Variants in EIPR1 observed in about 807,000 individuals in gnomAD.
The protein encoded by EIPR1 is EARP complex and GARP complex interacting protein 1.
Under a neutral mutation model 48.1 loss-of-function variants are expected in EIPR1, and 25 were observed. The ratio of observed to expected loss-of-function variants is 0.52; its 90% CI spans 0.38 to 0.73. EIPR1 has a LOEUF of 0.73. Among genes scored for constraint, EIPR1 ranks in the 30% least tolerant of loss-of-function variants. EIPR1 has a pLI of 0.00. For synonymous variants in EIPR1, 204 were observed against 201.9 expected (o/e 1.01, Z -0.09); for missense variants, 415 against 506.2 (o/e 0.82, Z 1.73).
intron 2 of EIPR1, among the ~76,000 whole-genome samples, chr2:3,338,589 C>T (rs1165753302): frequency 1.3e-5 from 2 of 152,182 alleles, no homozygotes; most frequent in Non-Finnish European, 2.9e-5. Flanking sequence ...CTGGGACTGA[C>T]CACGCCTGGC....
chr2:3,278,114 G>A (rs1290454655), intron 3 of EIPR1, among the ~76,000 whole-genome samples: 1 of 152,018 alleles, frequency 6.6e-6, no homozygotes, highest in African/African-American at 2.4e-5. Flanking sequence ...TCCCACCACC[G>A]TCCCCAGGCT....
At chr2:3,259,874 T>C (rs1409170999) in intron 3 of EIPR1, among the ~76,000 whole-genome samples, 1 of 152,208 alleles carries the variant, frequency 6.6e-6, no homozygotes, top group Non-Finnish European at 1.5e-5. Flanking sequence ...TATATCCATA[T>C]GAAAGAAAAT....
At chr2:3,233,634 T>C (rs1353187996) in intron 4 of EIPR1, among the ~76,000 whole-genome samples, 2 of 152,218 alleles carry the variant, frequency 1.3e-5, no homozygotes, top group South Asian at 2.1e-4. Context: ...ACTAGGAAGT[T>C]TGTCCACCCG....
intron 6 of EIPR1, among the ~76,000 whole-genome samples, chr2:3,195,185 T>C (rs1193256278): frequency 6.6e-6 from 1 of 152,230 alleles, no homozygotes; most frequent in African/African-American, 2.4e-5. Flanking sequence ...CCAGTGAGGC[T>C]GGACAGTGGC....
In EIPR1 at chr2:3,200,073, G is replaced by T. The variant is rs1035970036; in HGVS notation, c.517-3056C>A. Reference sequence around the variant, plus strand: ...GGTTAGGGCTGAGGTGGCACCTGGGGCCTCACTAAGAGCTGGGAGAAGAAT... The same window carrying T: ...GGTTAGGGCTGAGGTGGCACCTGGGTCCTCACTAAGAGCTGGGAGAAGAAT... On this transcript the variant is annotated intron_variant, in intron 5 of 8. Coordinates refer to ENST00000382125, the MANE Select transcript of EIPR1 (RefSeq NM_003310.5). Among the ~76,000 whole-genome samples the T allele has an allele frequency of 3.3e-5, 5 of 152,062 alleles. No homozygotes were observed. In the South Asian group the frequency reaches 1.0e-3, roughly 31 times the overall value.
intron 5 of EIPR1, chr2:3,208,785 A>G: frequency 6.5e-7 from 1 of 1,548,742 alleles, no homozygotes; most frequent in South Asian, 1.2e-5. Context: ...TCCTTGAGTG[A>G]GGCTCGTGGC....
intron 3 of EIPR1, chr2:3,274,518 A>G: frequency 7.2e-7 from 1 of 1,384,776 alleles, no homozygotes; most frequent in Non-Finnish European, 9.4e-7. Flanking sequence ...CTTGGGGTAT[A>G]AATAAAATAT....
Position 3,312,565 on chromosome 2 carries a change from A to G in EIPR1, c.259+25452T>C, listed in dbSNP as rs1267309118. On this transcript the variant is annotated intron_variant, in intron 3 of 8. Coordinates refer to ENST00000382125, the MANE Select transcript of EIPR1 (RefSeq NM_003310.5). This position sits in a 1 kb window ranked among gnomAD's most constrained non-coding sequence, Gnocchi z 5.5. ...CACTCAGCACCTGCTCATCATTGTC[A>G]GCATGTTTCTGGTCTCTTAAAATTG... Among the ~76,000 whole-genome samples the G allele has an allele frequency of 6.6e-6, 1 of 152,172 alleles. No homozygotes were observed. Among genetic ancestry groups the G allele is most frequent in the East Asian group, 1.9e-4 (1 of 5,198 alleles).
intron 5 of EIPR1, among the ~76,000 whole-genome samples, chr2:3,203,219 G>C (rs1665110054): frequency 6.6e-6 from 1 of 152,184 alleles, no homozygotes; most frequent in Non-Finnish European, 1.5e-5. Context: ...ACAGAGCCAG[G>C]GTGAATGATA....
chr2:3,266,140 G>C (rs1667478716), intron 3 of EIPR1, among the ~76,000 whole-genome samples: 1 of 152,226 alleles, frequency 6.6e-6, no homozygotes, highest in African/African-American at 2.4e-5. Flanking sequence ...ATTCAAAGGA[G>C]ATCAGAGCCT....
Position 3,312,732 on chromosome 2 carries a change from T to C in EIPR1, c.259+25285A>G, listed in dbSNP as rs937022553. Among the ~76,000 whole-genome samples, 12 of 152,108 alleles carry C rather than the reference T, an allele frequency of 7.9e-5. No individual in the cohort carries two copies. Among genetic ancestry groups the C allele is most frequent in the African/African-American group, 2.7e-4 (11 of 41,430 alleles). The stretch of plus-strand genomic sequence containing the variant: ...AACGAGATCTTTGGTGCCCCAGGCT[T>C]GAGAAGGTTCTTGATGGTTACGTTG... On this transcript the variant is annotated intron_variant, in intron 3 of 8. Coordinates refer to ENST00000382125, the MANE Select transcript of EIPR1 (RefSeq NM_003310.5). The surrounding 1 kb of genome is among the most constrained non-coding windows in gnomAD (Gnocchi z 5.5).
rs551874159 is a variant in EIPR1 at position 3,298,811 on chromosome 2, A to G, written c.259+39206T>C. Among the ~76,000 whole-genome samples, 3 of 152,276 alleles carry G rather than the reference A, an allele frequency of 2.0e-5. No homozygotes were observed. The East Asian group carries it at 5.8e-4, about 29-fold the overall frequency. On this transcript the variant is annotated intron_variant, in intron 3 of 8. Transcript: ENST00000382125. ...ACCACTGTCAGAAGACTCACCCCCC[A>G]TAAGAAGGCATTCCAGTGTCGGCAC...
At chr2:3,259,740 A>C (rs181856951) in intron 3 of EIPR1, among the ~76,000 whole-genome samples, 3 of 152,354 alleles carry the variant, frequency 2.0e-5, no homozygotes, top group African/African-American at 7.2e-5. Flanking sequence ...ATAGAAGAGC[A>C]ATGAAGTTTT....
chr2:3,356,442 T>G (rs991311447), intron 1 of EIPR1, among the ~76,000 whole-genome samples: 1 of 152,188 alleles, frequency 6.6e-6, no homozygotes, highest in African/African-American at 2.4e-5. Context: ...ATCTGAGGCT[T>G]AGAGGAAAAA....
At chr2:3,194,941 C>T (rs1394094539) in intron 6 of EIPR1, among the ~76,000 whole-genome samples, 3 of 152,208 alleles carry the variant, frequency 2.0e-5, no homozygotes, top group South Asian at 4.1e-4. Context: ...ATGAGTCACA[C>T]GGCTGTTCAC....
In EIPR1 at chr2:3,221,119, C is replaced by T. The variant is rs1477179180; in HGVS notation, c.417-6871G>A. ...GCATTCACAGTGAGTCCGGAACACA[C>T]GCACACAATGGCCGAGGTACACTCT... is the stretch of plus-strand genomic sequence containing the variant. On this transcript the variant is annotated intron_variant, in intron 4 of 8. Transcript: ENST00000382125. Among the ~76,000 whole-genome samples the T allele has an allele frequency of 8.3e-4, 9 of 10,872 alleles. 1 individual carries two copies. Among genetic ancestry groups the T allele is most frequent in the African/African-American group, 1.2e-3 (6 of 4,950 alleles). The allele number at this position is 10,872 out of a possible 152,430, so 7.1% of individuals were successfully genotyped here.
chr2:3,195,715 C>T (rs1664780789), intron 6 of EIPR1, among the ~76,000 whole-genome samples: 1 of 152,142 alleles, frequency 6.6e-6, no homozygotes, highest in Admixed American at 6.5e-5. Flanking sequence ...ACAAAAGCAT[C>T]ATACCACCTA....
chr2:3,231,790 A>AT (rs1286830989), intron 4 of EIPR1, among the ~76,000 whole-genome samples: 1 of 152,174 alleles, frequency 6.6e-6, no homozygotes, highest in Non-Finnish European at 1.5e-5. Context: ...CTAGCCTGTA[A>AT]TTTTCTCTTC....
chr2:3,306,264 A>G (rs191031956), intron 3 of EIPR1, among the ~76,000 whole-genome samples: 12 of 152,188 alleles, frequency 7.9e-5, no homozygotes, highest in African/African-American at 2.6e-4. Context: ...TTCTATGGAT[A>G]TTTGGTTGGA....
Sources: allele counts gnomAD v4.1 joint callset (sites outside exome capture counted in the v4.1 genomes callset), GRCh38; gene constraint gnomAD v4.1.1; non-coding constraint Gnocchi (gnomAD v3.1); transcripts MANE v1.5; gene names NCBI Gene and HGNC (gene_info 2026-07-23, HGNC 2026-07-21).